The following NYNRIN variants were observed in gnomAD, a reference collection of about 807,000 sequenced individuals.
The protein encoded by NYNRIN is protein NYNRIN.
In NYNRIN, 86 loss-of-function variants were observed where a neutral mutation model predicts 146.6. That is an observed-to-expected ratio of 0.59 (90% CI 0.49 to 0.70). NYNRIN has a LOEUF of 0.70. NYNRIN is among the 30% of genes least tolerant of loss of function. NYNRIN has a pLI of 0.00. For synonymous variants in NYNRIN, 1,027 were observed against 1,001.3 expected (o/e 1.03, Z -0.48); for missense variants, 2,191 against 2,377.7 (o/e 0.92, Z 1.63).
At position 24,418,491 on chromosome 14, in the gene NYNRIN, AC is replaced by A. The variant is rs534406248; in HGVS notation, c.*1047del. ...CTGTATCACCCCCCGAGTCCTGTGGACCTGCCTTCTGTGTAGAGCAAAACCC... is the reference window on the plus strand; with the variant it reads ...CTGTATCACCCCCCGAGTCCTGTGGACTGCCTTCTGTGTAGAGCAAAACCC... On this transcript the variant is annotated 3_prime_UTR_variant, in exon 9 of 9. Transcript: ENST00000382554. The A allele has an allele frequency of 1.2e-3, 400 of 339,516 alleles. 1 individual carries two copies. Among genetic ancestry groups the A allele is most frequent in the Non-Finnish European group, 1.9e-3 (324 of 172,022 alleles). The allele number at this position is 339,516 out of a possible 1,614,324, so 21.0% of individuals were successfully genotyped here.
At position 24,408,765 on chromosome 14, in the gene NYNRIN, A is replaced by G; in HGVS notation, c.971A>G (p.Gln324Arg). The stretch of plus-strand genomic sequence containing the variant: ...ACACAAGCCTTGTTGAAGCAAAGGC[A>G]GGTCCAGAAGATAGAAGATAAACTC... Reference protein sequence around the residue: ...NHTQALLKQRQVQKIEDKLLF... With the variant: ...NHTQALLKQRRVQKIEDKLLF... The change falls in exon 4 of 9, where the codon CAG becomes CGG. Residue 324 changes from glutamine to arginine, a missense_variant. Transcript: ENST00000382554. The G allele has an allele frequency of 6.2e-7, 1 of 1,614,006 alleles. No individual in the cohort carries two copies. The highest frequency in any genetic ancestry group is 8.5e-7 in the Non-Finnish European group (1 of 1,179,864).
chr14:24,412,555 CG>C (rs1566486416), intron 6 of NYNRIN: 1 of 167,516 alleles, frequency 6.0e-6, no homozygotes, highest in African/African-American at 2.4e-5. Flanking sequence ...GCTGTGTGGC[CG>C]GCACTTACCT....
In NYNRIN at chr14:24,410,137, G is replaced by C. The variant is rs561028036; in HGVS notation, c.2343G>C (p.Leu781=). The change falls in exon 4 of 9, where the codon CTG becomes CTC. Residue 781 remains leucine (L), a synonymous_variant. Transcript: ENST00000382554. ...AGGCCCTGAATACACCCTTCGAGCT[G>C]AACCTGTCAGGGGAACCTGGAAACC... ...YHEALNTPFE[L]NLSGEPGNQG... 9 of 1,613,588 alleles carry C rather than the reference G, an allele frequency of 5.6e-6. No homozygotes were observed. The South Asian group carries it at 9.9e-5, about 18-fold the overall frequency.
chr14:24,410,940 A>G, intron 4 of NYNRIN, 136 bp from the exon 5 acceptor site: 1 of 1,063,016 alleles, frequency 9.4e-7, no homozygotes, highest in Non-Finnish European at 1.4e-6. Context: ...GTGCTCACAG[A>G]ATGTCTGAGT....
chr14:24,415,416 A>G lies in NYNRIN; in HGVS notation c.3667A>G (p.Ile1223Val), dbSNP rs1267711099. Residue 1223 changes from isoleucine to valine, a missense_variant, in exon 9 of 9, where the codon ATT becomes GTT. Ile to Val is a conservative substitution (Grantham distance 29). Coordinates refer to ENST00000382554, the MANE Select transcript of NYNRIN (RefSeq NM_025081.3). ...GGCCCTCAAGCATTTTTCCCGCTGC[A>G]TTGGAGACACCCCGGTGGTCCTGGA... ...AWALKHFSRCIGDTPVVLDLS... is the reference protein window; with the variant it reads ...AWALKHFSRCVGDTPVVLDLS... 6.2e-7 allele frequency: 1 copy of G among 1,613,782 alleles called. No individual in the cohort carries two copies. The highest frequency in any genetic ancestry group is 1.3e-5 in the African/African-American group (1 of 74,900).
At chr14:24,401,566 A>C (rs538487383) in intron 2 of NYNRIN, among the ~76,000 whole-genome samples, 3 of 152,292 alleles carry the variant, frequency 2.0e-5, no homozygotes, top group Admixed American at 6.5e-5. Flanking sequence ...CCTGTTAACT[A>C]TCTGAACTGG....
Position 24,417,613 on chromosome 14 carries a change from TC to T in NYNRIN, c.*171del. The stretch of plus-strand genomic sequence containing the variant: ...AATTGCCTTGAACTAGGGACCAGCA[TC>T]CCCATGGAAACATCCCCAGTTTGGG... On this transcript the variant is annotated 3_prime_UTR_variant, in exon 9 of 9. Coordinates refer to ENST00000382554, the MANE Select transcript of NYNRIN (RefSeq NM_025081.3). 1 of 992,460 alleles carries T rather than the reference TC, an allele frequency of 1.0e-6. No homozygotes were observed. Among genetic ancestry groups the T allele is most frequent in the Non-Finnish European group, 1.4e-6 (1 of 735,110 alleles). 61.5% of individuals were successfully genotyped at this position (992,460 alleles called of 1,614,324 possible).
At position 24,409,096 on chromosome 14, in the gene NYNRIN, A is replaced by C. The variant is rs755934244; in HGVS notation, c.1302A>C (p.Pro434=). The change falls in exon 4 of 9, where the codon CCA becomes CCC. Residue 434 remains proline, a synonymous_variant. Coordinates refer to ENST00000382554, the MANE Select transcript of NYNRIN (RefSeq NM_025081.3). ...LPSAESPAGR[P]DGGLGGEAAL... is the part of the protein sequence containing the mutation. The stretch of plus-strand genomic sequence containing the variant: ...GTGCAGAAAGCCCAGCTGGTAGACC[A>C]GATGGGGGGCTGGGAGGAGAAGCAG... 1.5e-5 allele frequency: 24 copies of C among 1,613,664 alleles called. No individual in the cohort carries two copies. Among genetic ancestry groups the C allele is most frequent in the Non-Finnish European group, 4.2e-6 (5 of 1,179,816 alleles).
In NYNRIN at chr14:24,415,816, C is replaced by G; in HGVS notation, c.4067C>G (p.Ala1356Gly). 1 of 1,614,004 alleles carries G rather than the reference C, an allele frequency of 6.2e-7. No individual in the cohort carries two copies. The highest frequency in any genetic ancestry group is 8.5e-7 in the Non-Finnish European group (1 of 1,179,898). Residue 1356 changes from alanine to glycine, a missense_variant, in exon 9 of 9, where the codon GCA (alanine) becomes GGA (glycine). Ala to Gly is a moderately conservative substitution (Grantham distance 60). Around this residue, in one of 3 missense-constraint regions of NYNRIN, gnomAD observed 1,291 missense variants for 1,417.0 expected, o/e 0.91. Coordinates refer to ENST00000382554, the MANE Select transcript of NYNRIN (RefSeq NM_025081.3). Reference protein sequence around the residue: ...SPYTPTYAHLAAVACGLERFG... With the variant: ...SPYTPTYAHLGAVACGLERFG... The stretch of plus-strand genomic sequence containing the variant: ...TACACGCCAACCTATGCCCACCTGG[C>G]AGCCGTGGCCTGCGGCCTGGAGCGC...
chr14:24,409,167 G>A lies in NYNRIN; in HGVS notation c.1373G>A (p.Ser458Asn), dbSNP rs1423309439. 2 of 1,613,996 alleles carry A rather than the reference G, an allele frequency of 1.2e-6. No homozygotes were observed. The highest frequency in any genetic ancestry group is 3.3e-5 in the Admixed American group (2 of 60,018). Reference protein sequence around the residue: ...PRPEISPKVTSLLVVPGSSDV... With the variant: ...PRPEISPKVTNLLVVPGSSDV... ...CCAGAGATTTCCCCAAAAGTTACGA[G>A]TTTATTGGTGGTCCCTGGGAGCTCA... Residue 458 changes from serine (S) to asparagine (N), a missense_variant, in exon 4 of 9, where the codon AGT becomes AAT. By Grantham distance (46) the Ser-to-Asn change is conservative. Coordinates refer to ENST00000382554, the MANE Select transcript of NYNRIN (RefSeq NM_025081.3).
In NYNRIN at chr14:24,417,087, A is replaced by G; in HGVS notation, c.5338A>G (p.Asn1780Asp). 6.2e-7 allele frequency: 1 copy of G among 1,613,576 alleles called. No individual in the cohort carries two copies. Among genetic ancestry groups the G allele is most frequent in the Non-Finnish European group, 8.5e-7 (1 of 1,179,600 alleles). ...EPLWWEMSSA[N>D]IEGLKMDVFL... is the part of the protein sequence containing the mutation. ...CCTGTGGTGGGAGATGAGCAGCGCA[A>G]ACATTGAAGGGCTCAAGATGGACGT... is the stretch of plus-strand genomic sequence containing the variant. Residue 1780 changes from asparagine (N) to aspartate (D), a missense_variant, in exon 9 of 9, where the codon AAC becomes GAC. Physicochemically the swap from Asn to Asp is conservative, Grantham distance 23. Around this residue, in one of 3 missense-constraint regions of NYNRIN, gnomAD observed 1,291 missense variants for 1,417.0 expected, o/e 0.91. Coordinates refer to ENST00000382554, the MANE Select transcript of NYNRIN (RefSeq NM_025081.3).
Position 24,415,350 on chromosome 14 carries a change from G to A in NYNRIN, c.3601G>A (p.Gly1201Ser). ...CCTCCTCCCTGATGAGGAGAGCCAG[G>A]GCCCCCAGTCAGGGGGTGACAGCCC... ...KPLLPDEESQ[G>S]PQSGGDSPYA... The change falls in exon 9 of 9, where the codon GGC becomes AGC. Residue 1201 changes from glycine to serine, a missense_variant. Transcript: ENST00000382554. The A allele has an allele frequency of 4.3e-6, 7 of 1,613,954 alleles. No homozygotes were observed. The highest frequency in any genetic ancestry group is 5.1e-6 in the Non-Finnish European group (6 of 1,179,874).
chr14:24,416,549 G>A lies in NYNRIN; in HGVS notation c.4800G>A (p.Lys1600=), dbSNP rs2139355330. 6.2e-7 allele frequency: 1 copy of A among 1,613,988 alleles called. No individual in the cohort carries two copies. Among genetic ancestry groups the A allele is most frequent in the Non-Finnish European group, 8.5e-7 (1 of 1,179,892 alleles). The change falls in exon 9 of 9, where the codon AAG becomes AAA. Residue 1600 remains lysine (K), a synonymous_variant. Coordinates refer to ENST00000382554, the MANE Select transcript of NYNRIN (RefSeq NM_025081.3). ...IPRNLIGSEL[K]VIESPWPLRS... is the part of the protein sequence containing the mutation. ...GAAATCTCATAGGCAGCGAGTTGAA[G>A]GTTATTGAGTCCCCATGGCCCCTCA...
rs748243389 is a variant in NYNRIN, at chr14:24,415,825, C to T, written c.4076C>T (p.Ala1359Val). ...TPTYAHLAAV[A>V]CGLERFGQSP... is the part of the protein sequence containing the mutation. ...ACCTATGCCCACCTGGCAGCCGTGG[C>T]CTGCGGCCTGGAGCGCTTTGGCCAG... is the stretch of plus-strand genomic sequence containing the variant. Residue 1359 changes from alanine to valine, a missense_variant, in exon 9 of 9, where the codon GCC becomes GTC. This residue lies in a region of NYNRIN where 1,291 missense variants were observed against 1,417.0 expected (regional missense o/e 0.91). Coordinates refer to ENST00000382554, the MANE Select transcript of NYNRIN (RefSeq NM_025081.3). The T allele has an allele frequency of 5.6e-6, 9 of 1,613,834 alleles. No homozygotes were observed. The highest frequency in any genetic ancestry group is 6.8e-6 in the Non-Finnish European group (8 of 1,179,892).
chr14:24,415,734 C>T lies in NYNRIN; in HGVS notation c.3985C>T (p.Leu1329Phe). Residue 1329 changes from leucine to phenylalanine, a missense_variant, in exon 9 of 9, where the codon CTC becomes TTC. Physicochemically the swap from Leu to Phe is conservative, Grantham distance 22 (BLOSUM62 0). Around this residue, in one of 3 missense-constraint regions of NYNRIN, gnomAD observed 1,291 missense variants for 1,417.0 expected, o/e 0.91. Coordinates refer to ENST00000382554, the MANE Select transcript of NYNRIN (RefSeq NM_025081.3). ...GGATGAGTGGTGTGCTGGCTTTGGT[C>T]TCTATGTTCTATCGCCCACCAGCCC... ...REDEWCAGFGLYVLSPTSPPV... is the reference protein window; with the variant it reads ...REDEWCAGFGFYVLSPTSPPV... 1 of 1,613,776 alleles carries T rather than the reference C, an allele frequency of 6.2e-7. No homozygotes were observed. Among genetic ancestry groups the T allele is most frequent in the Non-Finnish European group, 8.5e-7 (1 of 1,179,778 alleles).
Position 24,399,406 on chromosome 14 carries a change from C to T in NYNRIN, c.160C>T (p.Gln54Ter), listed in dbSNP as rs1345327244. The change falls in exon 2 of 9, where the codon CAG becomes TAG. Residue 54 changes from glutamine (Q) to a stop codon, truncating the protein, a stop_gained. Transcript: ENST00000382554. LOFTEE classifies it high-confidence loss of function. The part of the protein sequence containing the change: ...SRPDTPYFWL[Q>*]LEGPRENMGK... ...CCCGGACACCCCCTACTTCTGGCTA[C>T]AGCTCGAGGGGCCCCGAGAGAACAT... 6.2e-7 allele frequency: 1 copy of T among 1,613,406 alleles called. No homozygotes were observed. Among genetic ancestry groups the T allele is most frequent in the Non-Finnish European group, 8.5e-7 (1 of 1,179,692 alleles).
At chr14:24,405,038 G>GTGTGTGTGAA (rs564689682) in intron 2 of NYNRIN, among the ~76,000 whole-genome samples, 2 of 148,942 alleles carry the variant, frequency 1.3e-5, no homozygotes, top group Non-Finnish European at 3.0e-5. Context: ...GAGAGAATGT[G>GTGTGTGTGAA]TGTGTGTGAA....
At chr14:24,402,733 C>T (rs929093438) in intron 2 of NYNRIN, among the ~76,000 whole-genome samples, 4 of 152,182 alleles carry the variant, frequency 2.6e-5, no homozygotes, top group African/African-American at 9.7e-5. Context: ...CCACCCCCAG[C>T]TGATTGTTAA....
chr14:24,418,806 A>G lies in NYNRIN; in HGVS notation c.*1360A>G, dbSNP rs1165560476. ...TTGATTGTTTTACAGCAGAGGAAAG[A>G]GGATCACAGAGGGAAAATGATTCAC... is the stretch of plus-strand genomic sequence containing the variant. On this transcript the variant is annotated 3_prime_UTR_variant, in exon 9 of 9. Transcript: ENST00000382554. 1 of 152,512 alleles carries G rather than the reference A, an allele frequency of 6.6e-6. No individual in the cohort carries two copies. Among genetic ancestry groups the G allele is most frequent in the Non-Finnish European group, 1.5e-5 (1 of 68,274 alleles). The allele number at this position is 152,512 out of a possible 1,614,324, so 9.4% of individuals were successfully genotyped here.
Sources: gnomAD v4.1 joint callset for allele counts (sites outside exome capture counted in the v4.1 genomes callset) on GRCh38, gnomAD v4.1.1 for gene constraint, gnomAD v4.1.1 regional missense constraint, MANE v1.5 for transcripts, NCBI Gene and HGNC (gene_info 2026-07-23, HGNC 2026-07-21) for gene names.